The following CPNE4 variants were observed in gnomAD, a reference collection of about 807,000 sequenced individuals.
CPNE4 encodes the protein copine 4, also known as copine-4.
In CPNE4, 25 loss-of-function variants were observed where a neutral mutation model predicts 67.9. The observed-to-expected ratio is 0.37, with a 90% CI of 0.27 to 0.51. The LOEUF is 0.51. Among genes scored for constraint, CPNE4 ranks in the 20% least tolerant of loss-of-function variants. The pLI is 0.93. For missense variants in CPNE4, 464 were observed against 690.8 expected, an observed-to-expected ratio of 0.67 and a Z score of 3.68; for synonymous variants, 242 against 244.9, an observed-to-expected ratio of 0.99 and a Z score of 0.11.
chr3:131,986,878 A>C (rs1454861520), intron 1 of CPNE4, among the ~76,000 whole-genome samples: 3 of 151,796 alleles, frequency 2.0e-5, no homozygotes, highest in Non-Finnish European at 4.4e-5. Context: ...AAAAAAAAAA[A>C]AACAAAGAAC....
At chr3:131,755,833 C>T (rs2082737606) in intron 2 of CPNE4, among the ~76,000 whole-genome samples, 1 of 152,192 alleles carries the variant, frequency 6.6e-6, no homozygotes, top group African/African-American at 2.4e-5. Flanking sequence ...TGGAAACTCT[C>T]AGGGTTGCTA....
At chr3:131,978,996 G>T (rs2072832330) in intron 1 of CPNE4, among the ~76,000 whole-genome samples, 1 of 152,022 alleles carries the variant, frequency 6.6e-6, no homozygotes, top group South Asian at 2.1e-4. Context: ...TATTTGCATG[G>T]TTTTGAAAGT....
In CPNE4 at chr3:131,869,009, G is replaced by A. The variant is rs78005606; in HGVS notation, c.180+36255C>T. Among the ~76,000 whole-genome samples the A allele has an allele frequency of 4.6e-5, 7 of 152,240 alleles. No individual in the cohort carries two copies. The East Asian group carries it at 5.8e-4, about 13-fold the overall frequency. ...TAGGCAAATGATCAAAAAGTACCAC[G>A]TTACCAAGGTTGCTGTGAGGTGCAT... On this transcript the variant is annotated intron_variant, in intron 2 of 15. Coordinates refer to ENST00000429747, the MANE Select transcript of CPNE4 (RefSeq NM_130808.3).
chr3:131,737,039 T>A (rs2082251004), intron 2 of CPNE4, among the ~76,000 whole-genome samples: 1 of 151,834 alleles, frequency 6.6e-6, no homozygotes, highest in Admixed American at 6.6e-5. Flanking sequence ...TCTTCCTTTT[T>A]CTCCTTTCCA....
intron 1 of CPNE4, among the ~76,000 whole-genome samples, chr3:131,932,790 G>A (rs1226738996): frequency 6.6e-6 from 1 of 152,116 alleles, no homozygotes; most frequent in Non-Finnish European, 1.5e-5. Context: ...GGCCAAGGCA[G>A]GCAGATCATC....
chr3:131,912,870 C>G (rs2089035244), intron 1 of CPNE4, among the ~76,000 whole-genome samples: 2 of 152,084 alleles, frequency 1.3e-5, no homozygotes. Context: ...GATTCTGCTC[C>G]CAGATGTTGT....
intron 8 of CPNE4, among the ~76,000 whole-genome samples, chr3:131,581,950 A>G (rs1040106488): frequency 2.6e-5 from 4 of 152,138 alleles, no homozygotes; most frequent in Non-Finnish European, 5.9e-5. Context: ...TGCAAAATGG[A>G]GCTTATAATT....
intron 1 of CPNE4, among the ~76,000 whole-genome samples, chr3:132,004,445 C>T (rs1381407972): frequency 1.3e-5 from 2 of 151,874 alleles, no homozygotes; most frequent in Admixed American, 6.6e-5. Flanking sequence ...CAGAAAGATG[C>T]AGACAACAAT....
intron 1 of CPNE4, among the ~76,000 whole-genome samples, chr3:131,981,752 G>C (rs2107637556): frequency 6.6e-6 from 1 of 152,318 alleles, no homozygotes; most frequent in Non-Finnish European, 1.5e-5. Context: ...CAAGCTCCCA[G>C]GGCCTTTCTG....
chr3:132,035,143 G>A (rs2074318129), upstream of CPNE4: 28 of 838,706 alleles, frequency 3.3e-5, no homozygotes, highest in Non-Finnish European at 3.7e-5. Flanking sequence ...CCAGGCCTTG[G>A]CGGCGGCGCT....
chr3:131,767,003 CAGTT>C (rs561088555), intron 2 of CPNE4, among the ~76,000 whole-genome samples: 34 of 152,182 alleles, frequency 2.2e-4, no homozygotes, highest in South Asian at 1.0e-3. Context: ...AAAACGAAAA[CAGTT>C]AGATTTGTTG....
At chr3:132,002,269 T>C (rs2073474275) in intron 1 of CPNE4, among the ~76,000 whole-genome samples, 1 of 152,140 alleles carries the variant, frequency 6.6e-6, no homozygotes, top group African/African-American at 2.4e-5. Flanking sequence ...GATATTAAAT[T>C]AAACCCATGT....
intron 1 of CPNE4, among the ~76,000 whole-genome samples, chr3:131,939,850 G>C (rs142357114): frequency 3.3e-4 from 50 of 152,170 alleles, no homozygotes; most frequent in African/African-American, 1.2e-3. Context: ...ACATACAGTA[G>C]CTATCTTTCA....
chr3:131,984,490 T>C (rs1396875910), intron 1 of CPNE4, among the ~76,000 whole-genome samples: 2 of 152,148 alleles, frequency 1.3e-5, no homozygotes, highest in Admixed American at 1.3e-4. Context: ...CTCCCCCACC[T>C]CTATCAAAGT....
In CPNE4 at chr3:131,835,743, T is replaced by C. The variant is rs370245380; in HGVS notation, c.180+69521A>G. 7.2e-5 allele frequency among the ~76,000 whole-genome samples: 11 copies of C among 152,210 alleles called. No individual in the cohort carries two copies. The East Asian group carries it at 9.7e-4, about 13-fold the overall frequency. On this transcript the variant is annotated intron_variant, in intron 2 of 15. Coordinates refer to ENST00000429747, the MANE Select transcript of CPNE4 (RefSeq NM_130808.3). ...ATAAGTGTACTTTCCAAAGGGTCTG[T>C]GCAATGGAGCCCTATTAACCTACCC...
chr3:131,635,103 A>G (rs1206949199), intron 7 of CPNE4, among the ~76,000 whole-genome samples: 1 of 152,186 alleles, frequency 6.6e-6, no homozygotes, highest in Non-Finnish European at 1.5e-5. Flanking sequence ...TCTGTAGAAG[A>G]GCATTTGTAT....
intron 1 of CPNE4, among the ~76,000 whole-genome samples, chr3:131,972,970 A>T (rs966946708): frequency 4.6e-5 from 7 of 152,292 alleles, no homozygotes; most frequent in African/African-American, 1.7e-4. Flanking sequence ...TTTTTTTAAA[A>T]GAATTGGAGC....
chr3:131,936,910 G>A (rs746691213), intron 1 of CPNE4, among the ~76,000 whole-genome samples: 4 of 150,942 alleles, frequency 2.7e-5, no homozygotes, highest in Non-Finnish European at 5.9e-5. Flanking sequence ...AAAGACACTA[G>A]AAGAGTACAT....
chr3:131,613,382 T>C (rs1939958297), intron 7 of CPNE4, among the ~76,000 whole-genome samples: 1 of 152,186 alleles, frequency 6.6e-6, no homozygotes, highest in South Asian at 2.1e-4. Flanking sequence ...AGTCTTCTGA[T>C]GACTCAAGAC....
Sources: allele counts gnomAD v4.1 joint callset (sites outside exome capture counted in the v4.1 genomes callset), GRCh38; gene constraint gnomAD v4.1.1; transcripts MANE v1.5; gene names NCBI Gene and HGNC (gene_info 2026-07-23, HGNC 2026-07-21).